The following ASTN2 variants were observed in gnomAD, a reference collection of about 807,000 sequenced individuals.
The protein encoded by ASTN2 is astrotactin-2.
Under a neutral mutation model 139.8 loss-of-function variants are expected in ASTN2, and 54 were observed. That is an observed-to-expected ratio of 0.39 (90% CI 0.31 to 0.48). The LOEUF (loss-of-function observed/expected upper bound fraction) is 0.48. Ranked by LOEUF, ASTN2 falls within the 20% of genes least tolerant of loss-of-function variation. The pLI is 0.95. For missense variants in ASTN2, 1,565 were observed against 1,725.1 expected (o/e 0.91, Z 1.64); for synonymous variants, 756 against 719.5 (o/e 1.05, Z -0.81).
chr9:117,154,020 A>G (rs2132885771), intron 3 of ASTN2, among the ~76,000 whole-genome samples: 1 of 152,230 alleles, frequency 6.6e-6, no homozygotes, highest in African/African-American at 2.4e-5. Context: ...CACTACTTCA[A>G]CTGTCAGATT....
intron 2 of ASTN2, among the ~76,000 whole-genome samples, chr9:117,222,917 A>C (rs981488026): frequency 4.1e-4 from 62 of 152,302 alleles, no homozygotes; most frequent in African/African-American, 1.4e-3. Flanking sequence ...AAACTGCTTA[A>C]AACCATACAA....
intron 6 of ASTN2, among the ~76,000 whole-genome samples, chr9:117,011,585 T>C (rs977263545): frequency 1.3e-5 from 2 of 152,244 alleles, no homozygotes; most frequent in African/African-American, 4.8e-5. Context: ...TTATCCTTAA[T>C]GTCTTTAAAA....
rs572417593 is a variant in ASTN2, at chr9:117,299,078, A to G, written c.443-7565T>C. On this transcript the variant is annotated intron_variant, in intron 1 of 22. Transcript: ENST00000313400. ...ATATTTTCATGAAGTGAGATAGGGG[A>G]AGTTCATATAGAAAATGGACTCTGT... is the stretch of plus-strand genomic sequence containing the variant. Among the ~76,000 whole-genome samples the G allele has an allele frequency of 2.6e-5, 4 of 152,270 alleles. No homozygotes were observed. In the East Asian group the frequency reaches 7.7e-4, roughly 29 times the overall value.
In ASTN2 at chr9:116,999,490, T is replaced by G. The variant is rs73517437; in HGVS notation, c.1591+8602A>C. Among the ~76,000 whole-genome samples the G allele has an allele frequency of 6.9e-3, 1,052 of 151,472 alleles. 20 individuals carry two copies. The highest frequency in any genetic ancestry group is 0.024 in the African/African-American group (994 of 41,374). On this transcript the variant is annotated intron_variant, in intron 7 of 22. Coordinates refer to ENST00000313400, the MANE Select transcript of ASTN2 (RefSeq NM_001365068.1). ...TTTGTGGCAAAGTTGACATGAGGGT[T>G]GAAGATTGAAGGTTAGTAATTATTT...
chr9:117,342,970 G>T (rs1829106229), intron 1 of ASTN2, among the ~76,000 whole-genome samples: 1 of 152,106 alleles, frequency 6.6e-6, no homozygotes, highest in Non-Finnish European at 1.5e-5. Context: ...GAGCTTGGTG[G>T]GTTGGATAGC....
chr9:117,079,848 A>C (rs72760105), intron 5 of ASTN2, among the ~76,000 whole-genome samples: 1 of 145,662 alleles, frequency 6.9e-6, no homozygotes, highest in Non-Finnish European at 1.5e-5. Context: ...TAAAGTAGTC[A>C]GATCTAAGGC....
At chr9:116,687,920 GT>G (rs1457528109) in intron 16 of ASTN2, among the ~76,000 whole-genome samples, 1 of 151,928 alleles carries the variant, frequency 6.6e-6, no homozygotes, top group Non-Finnish European at 1.5e-5. Flanking sequence ...GATTGAGGGG[GT>G]GGGGTGAGTT....
intron 10 of ASTN2, among the ~76,000 whole-genome samples, chr9:116,957,750 G>A (rs538907385): frequency 1.7e-4 from 26 of 152,170 alleles, no homozygotes; most frequent in African/African-American, 5.8e-4. Flanking sequence ...GTGTGATTTC[G>A]GCTCACTGCA....
chr9:116,585,335 T>C (rs1378115152), intron 19 of ASTN2: 1 of 152,196 alleles, frequency 6.6e-6, no homozygotes, highest in African/African-American at 2.4e-5. Flanking sequence ...GTATTTGATG[T>C]TCCCAGTAGA....
intron 16 of ASTN2, among the ~76,000 whole-genome samples, chr9:116,709,330 A>C (rs528348092): frequency 6.6e-6 from 1 of 152,314 alleles, no homozygotes; most frequent in African/African-American, 2.4e-5. Context: ...CCTTGCAATC[A>C]ACAGAGTGAA....
chr9:117,231,779 G>T (rs1370501046), intron 2 of ASTN2, among the ~76,000 whole-genome samples: 1 of 152,128 alleles, frequency 6.6e-6, no homozygotes, highest in Non-Finnish European at 1.5e-5. Flanking sequence ...AGAGTAGAAA[G>T]AAGCTTCTTT....
chr9:117,135,187 A>G (rs879455598), intron 4 of ASTN2, among the ~76,000 whole-genome samples: 2 of 152,248 alleles, frequency 1.3e-5, no homozygotes, highest in Non-Finnish European at 2.9e-5. Context: ...AGCTCAAGTC[A>G]TCTGGGAATT....
chr9:116,723,291 C>A (rs762849897), intron 16 of ASTN2, among the ~76,000 whole-genome samples: 7 of 152,230 alleles, frequency 4.6e-5, no homozygotes, highest in Non-Finnish European at 8.8e-5. Flanking sequence ...TACTATGTAC[C>A]AGACATTTTA....
intron 2 of ASTN2, among the ~76,000 whole-genome samples, chr9:117,215,897 G>A (rs1832303463): frequency 6.6e-6 from 1 of 152,190 alleles, no homozygotes; most frequent in Non-Finnish European, 1.5e-5. Flanking sequence ...ACAGGGTAGA[G>A]AGAGGCTTCA....
intron 19 of ASTN2, among the ~76,000 whole-genome samples, chr9:116,551,482 T>C (rs1018418125): frequency 6.6e-6 from 1 of 152,186 alleles, no homozygotes; most frequent in South Asian, 2.1e-4. Context: ...TCAACCTCTA[T>C]AAAACCAGCT....
chr9:117,253,500 T>C (rs935620743), intron 2 of ASTN2, among the ~76,000 whole-genome samples: 1 of 152,088 alleles, frequency 6.6e-6, no homozygotes, highest in Non-Finnish European at 1.5e-5. Context: ...ATCCAGCAAC[T>C]CTAGTGGAGC....
chr9:117,212,899 G>A (rs1382508356), intron 3 of ASTN2, among the ~76,000 whole-genome samples: 1 of 152,054 alleles, frequency 6.6e-6, no homozygotes, highest in Non-Finnish European at 1.5e-5. Flanking sequence ...ACTACAAAAA[G>A]AACTACCATA....
intron 10 of ASTN2, among the ~76,000 whole-genome samples, chr9:116,895,429 A>G (rs3903957): frequency 0.94 from 142,790 of 152,214 alleles, 67,364 homozygotes; most frequent in East Asian, 1. Context: ...AGTAAGCACC[A>G]GGGGTCAAGT....
chr9:116,539,014 T>G (rs1851764858), intron 19 of ASTN2, among the ~76,000 whole-genome samples: 1 of 152,032 alleles, frequency 6.6e-6, no homozygotes, highest in African/African-American at 2.4e-5. Context: ...AAAACAGCAA[T>G]AAAAATGAAC....
Sources: gnomAD v4.1 joint callset for allele counts (sites outside exome capture counted in the v4.1 genomes callset) on GRCh38, gnomAD v4.1.1 for gene constraint, MANE v1.5 for transcripts, NCBI Gene and HGNC (gene_info 2026-07-23, HGNC 2026-07-21) for gene names.